Variants in QTGAL observed in about 807,000 individuals in gnomAD.
QTGAL encodes queuosine-tRNA galactosyltransferase.
the QTGAL span, among the ~76,000 whole-genome samples, chr17:82,994,738 A>AT: frequency 6.6e-6 from 1 of 152,206 alleles, no homozygotes; most frequent in Admixed American, 6.5e-5. Flanking sequence ...ACAAAGACAC[A>AT]TAAAAAAATT....
chr17:82,985,633 C>T, the QTGAL span, among the ~76,000 whole-genome samples: 4 of 152,154 alleles, frequency 2.6e-5, no homozygotes, highest in African/African-American at 7.2e-5. Context: ...AGCAGAAGCC[C>T]GTGCTCAGCA....
chr17:82,973,003 AG>A, the QTGAL span, among the ~76,000 whole-genome samples: 1 of 152,200 alleles, frequency 6.6e-6, no homozygotes, highest in African/African-American at 2.4e-5. Context: ...TCCCCGAAGG[AG>A]GGGGCCCCTG....
chr17:82,994,047 C>A, the QTGAL span, among the ~76,000 whole-genome samples: 2 of 152,056 alleles, frequency 1.3e-5, no homozygotes, highest in South Asian at 4.1e-4. Context: ...TAAGTGTCTA[C>A]ATCAAAAAAG....
chr17:83,005,731 C>T, the QTGAL span: 27 of 761,764 alleles, frequency 3.5e-5, no homozygotes, highest in African/African-American at 1.4e-4. This position sits in a 1 kb window ranked among gnomAD's most constrained non-coding sequence, Gnocchi z 5.6. Context: ...ACCCTCTCCC[C>T]GGGCATCCAG....
the QTGAL span, among the ~76,000 whole-genome samples, chr17:82,998,944 C>T: frequency 1.5e-5 from 2 of 137,492 alleles, no homozygotes; most frequent in East Asian, 4.4e-4. Context: ...CACTACATAC[C>T]TACTAGATTA....
chr17:83,049,413 T>G, the QTGAL span, among the ~76,000 whole-genome samples: 723 of 110,160 alleles, frequency 6.6e-3, 5 homozygotes, highest in African/African-American at 0.023. Flanking sequence ...AACTGGTTGG[T>G]TTTTTTTTTT....
chr17:83,039,298 G>A, the QTGAL span, among the ~76,000 whole-genome samples: 1,683 of 66,262 alleles, frequency 0.025, 68 homozygotes, highest in Non-Finnish European at 0.035. Flanking sequence ...CCCGCCGCCC[G>A]CCCCTCTTCT....
the QTGAL span, among the ~76,000 whole-genome samples, chr17:83,010,301 A>C: frequency 4.6e-5 from 7 of 152,124 alleles, no homozygotes; most frequent in Admixed American, 4.6e-4. Flanking sequence ...GTGAAGGAGG[A>C]GCACCCAGGC....
At chr17:82,955,752 T>G in the QTGAL span, among the ~76,000 whole-genome samples, 1 of 152,120 alleles carries the variant, frequency 6.6e-6, no homozygotes, top group Admixed American at 6.5e-5. Flanking sequence ...TCAACCCAAA[T>G]GCCCATCAAT....
chr17:83,037,596 G>A, the QTGAL span, among the ~76,000 whole-genome samples: 2 of 152,304 alleles, frequency 1.3e-5, no homozygotes, highest in African/African-American at 2.4e-5. The surrounding 1 kb of genome is among the most constrained non-coding windows in gnomAD (Gnocchi z 5.2). Context: ...CTCCATCATC[G>A]CTGCAGGGCC....
At chr17:82,986,016 A>C in the QTGAL span, among the ~76,000 whole-genome samples, 4 of 152,182 alleles carry the variant, frequency 2.6e-5, no homozygotes, top group South Asian at 8.3e-4. Flanking sequence ...AGTGCCTGGG[A>C]TCAAAGCCCT....
the QTGAL span, chr17:82,945,373 T>A: frequency 1.3e-5 from 2 of 152,212 alleles, no homozygotes; most frequent in African/African-American, 4.8e-5. Flanking sequence ...AGTCCCCAGA[T>A]ACAGAAGCCT....
chr17:82,962,549 T>TCG, the QTGAL span, among the ~76,000 whole-genome samples: 1 of 131,708 alleles, frequency 7.6e-6, no homozygotes, highest in African/African-American at 2.7e-5. Context: ...ACACGGACCC[T>TCG]CACACGGGTG....
chr17:83,013,653 T>A, the QTGAL span, among the ~76,000 whole-genome samples: 1 of 151,048 alleles, frequency 6.6e-6, no homozygotes, highest in South Asian at 2.1e-4. Context: ...GAGCCGGCCG[T>A]GACTGAACCG....
At chr17:82,948,975 T>G in the QTGAL span, 2 of 152,152 alleles carry the variant, frequency 1.3e-5, no homozygotes, top group Non-Finnish European at 2.9e-5. Context: ...TACAAAAATA[T>G]CAAATGGCAG....
the QTGAL span, among the ~76,000 whole-genome samples, chr17:83,007,894 T>A: frequency 6.6e-6 from 1 of 152,176 alleles, no homozygotes; most frequent in African/African-American, 2.4e-5. Context: ...GGCCTCAACA[T>A]TTTTTAACCT....
At chr17:82,969,511 G>A in the QTGAL span, among the ~76,000 whole-genome samples, 67,467 of 151,520 alleles carry the variant, frequency 0.45, 16,331 homozygotes, top group South Asian at 0.61. Flanking sequence ...CCCGGCCTAA[G>A]TAAAAATTTT....
chr17:82,964,512 C>CG, the QTGAL span, among the ~76,000 whole-genome samples: 1 of 147,408 alleles, frequency 6.8e-6, no homozygotes, highest in African/African-American at 2.5e-5. Flanking sequence ...GTGCGTCCCA[C>CG]GGGGGATGGG....
the QTGAL span, chr17:83,051,764 C>T: frequency 8.7e-6 from 13 of 1,495,556 alleles, no homozygotes; most frequent in African/African-American, 2.9e-5. Flanking sequence ...CCTGGCTCTC[C>T]TCGGACGCCC....
Sources: gnomAD v4.1 joint callset for allele counts (sites outside exome capture counted in the v4.1 genomes callset) on GRCh38, gnomAD v4.1.1 for gene constraint, Gnocchi (gnomAD v3.1) non-coding constraint, MANE v1.5 for transcripts, NCBI Gene and HGNC (gene_info 2026-07-23, HGNC 2026-07-21) for gene names.